MEOX2: variants seen among roughly 807,000 people sequenced by gnomAD.
MEOX2 encodes the protein mesenchyme homeobox 2.
In MEOX2, 11 loss-of-function variants were observed where a neutral mutation model predicts 27.0. That is an observed-to-expected ratio of 0.41 (90% CI 0.26 to 0.68). The LOEUF (loss-of-function observed/expected upper bound fraction) is 0.68, where lower values mean the gene tolerates loss of function less well. Ranked by LOEUF, MEOX2 falls within the 30% of genes least tolerant of loss-of-function variation. The probability of loss-of-function intolerance (pLI) is 0.33; values close to 1 mark genes in which losing one functional copy is unlikely to be tolerated. For synonymous variants in MEOX2, 189 were observed against 155.4 expected (o/e 1.22, Z -1.61); for missense variants, 436 against 385.4 (o/e 1.13, Z -1.10).
At chr7:15,646,190 C>A (rs1311222552) in intron 1 of MEOX2, among the ~76,000 whole-genome samples, 1 of 152,030 alleles carries the variant, frequency 6.6e-6, no homozygotes, top group African/African-American at 2.4e-5. Flanking sequence ...TTAGTTTACT[C>A]CCTGACTTCC....
At chr7:15,660,692 G>A (rs1781898226) in intron 1 of MEOX2, among the ~76,000 whole-genome samples, 1 of 152,086 alleles carries the variant, frequency 6.6e-6, no homozygotes, top group Admixed American at 6.6e-5. Flanking sequence ...AGTGCTCAAC[G>A]AACAATGGTT....
chr7:15,686,349 G>A lies in MEOX2; in HGVS notation c.54C>T (p.Gly18=). 2 of 1,596,576 alleles carry A rather than the reference G, an allele frequency of 1.3e-6. No individual in the cohort carries two copies. The highest frequency in any genetic ancestry group is 1.7e-6 in the Non-Finnish European group (2 of 1,171,008). Residue 18 remains glycine, a synonymous_variant, in exon 1 of 3, where the codon GGC becomes GGT. Coordinates refer to ENST00000262041, the MANE Select transcript of MEOX2 (RefSeq NM_005924.5). ...GAGAGGATTGGGAGAACGGGTGCAA[G>A]CCTTGCGCCGTGGCGTGAGGGCTGC... ...CLRSPHATAQ[G]LHPFSQSSLA... is the part of the protein sequence containing the mutation.
intron 2 of MEOX2, among the ~76,000 whole-genome samples, chr7:15,624,876 T>C (rs1387233166): frequency 6.6e-6 from 1 of 152,210 alleles, no homozygotes; most frequent in Non-Finnish European, 1.5e-5. Flanking sequence ...TATATATAAT[T>C]CTTGCATGTA....
chr7:15,654,881 C>T (rs1402966692), intron 1 of MEOX2, among the ~76,000 whole-genome samples: 1 of 151,610 alleles, frequency 6.6e-6, no homozygotes, highest in Non-Finnish European at 1.5e-5. Context: ...TTTGATATTA[C>T]AATAATACTA....
intron 1 of MEOX2, among the ~76,000 whole-genome samples, chr7:15,656,776 C>T (rs1781827783): frequency 2.0e-5 from 3 of 151,734 alleles, no homozygotes; most frequent in African/African-American, 7.3e-5. Context: ...ATAATTTTAC[C>T]CTTGCCATTG....
rs146116757 is a variant in MEOX2, at chr7:15,631,906, A to ATGTGTGTGTGTG, written c.518-5000_518-4989dup. 3.2e-3 allele frequency among the ~76,000 whole-genome samples: 408 copies of ATGTGTGTGTGTG among 129,420 alleles called. 1 individual carries two copies. Among genetic ancestry groups the ATGTGTGTGTGTG allele is most frequent in the Admixed American group, 5.3e-3 (69 of 13,070 alleles). 84.9% of individuals were successfully genotyped at this position (129,420 alleles called of 152,430 possible). ...AAAGAGCAAGTTAAGCCAAGGTTAA[A>ATGTGTGTGTGTG]TGTGTGTGTGTGTGTGTGTGTGTGT... On this transcript the variant is annotated intron_variant, in intron 1 of 2. Transcript: ENST00000262041.
intron 1 of MEOX2, among the ~76,000 whole-genome samples, chr7:15,640,777 G>A (rs971285499): frequency 6.6e-6 from 1 of 152,136 alleles, no homozygotes. Context: ...CATCTACTGA[G>A]ATTATCATAT....
At chr7:15,644,582 C>G (rs949733597) in intron 1 of MEOX2, among the ~76,000 whole-genome samples, 2 of 152,172 alleles carry the variant, frequency 1.3e-5, no homozygotes, top group Non-Finnish European at 2.9e-5. Flanking sequence ...TGAGATGTCA[C>G]TTTCTGCAGC....
chr7:15,685,677 G>A (rs1278824801), intron 1 of MEOX2, among the ~76,000 whole-genome samples: 1 of 152,212 alleles, frequency 6.6e-6, no homozygotes, highest in Admixed American at 6.5e-5. Flanking sequence ...TAGAGCTGCT[G>A]GCTGTATACG....
At chr7:15,617,939 T>C (rs1342044195) in intron 2 of MEOX2, among the ~76,000 whole-genome samples, 2 of 152,068 alleles carry the variant, frequency 1.3e-5, no homozygotes, top group South Asian at 2.1e-4. Flanking sequence ...CATGGACAAA[T>C]AACATATTGA....
chr7:15,622,666 AG>A (rs1781238861), intron 2 of MEOX2, among the ~76,000 whole-genome samples: 1 of 152,204 alleles, frequency 6.6e-6, no homozygotes, highest in Non-Finnish European at 1.5e-5. Context: ...AAGATTATAT[AG>A]GGTCAAGATA....
intron 1 of MEOX2, among the ~76,000 whole-genome samples, chr7:15,653,769 T>G (rs1353231196): frequency 2.0e-5 from 3 of 151,982 alleles, no homozygotes; most frequent in Non-Finnish European, 4.4e-5. Flanking sequence ...ATTTTTTCCA[T>G]TAATATATGT....
intron 1 of MEOX2, among the ~76,000 whole-genome samples, chr7:15,636,426 AC>A (rs1277866880): frequency 6.6e-6 from 1 of 152,060 alleles, no homozygotes; most frequent in Non-Finnish European, 1.5e-5. Flanking sequence ...AAAATACCAA[AC>A]AACATAGGGT....
intron 1 of MEOX2, among the ~76,000 whole-genome samples, chr7:15,672,881 G>A (rs1782126183): frequency 6.8e-6 from 1 of 148,092 alleles, no homozygotes; most frequent in South Asian, 2.1e-4. Flanking sequence ...AACAGAGCGA[G>A]ATTCTGTCTT....
intron 2 of MEOX2, among the ~76,000 whole-genome samples, chr7:15,618,750 A>C (rs12216556): frequency 0.67 from 101,996 of 151,420 alleles, 34,578 homozygotes; most frequent in East Asian, 0.81. Flanking sequence ...TCTATGTGAC[A>C]CTTTACTGCC....
chr7:15,640,659 G>C (rs1320202049), intron 1 of MEOX2, among the ~76,000 whole-genome samples: 1 of 152,048 alleles, frequency 6.6e-6, no homozygotes, highest in Non-Finnish European at 1.5e-5. Flanking sequence ...GTTAGTTGTG[G>C]GTTTGTCATA....
At chr7:15,678,224 AT>A (rs1278223006) in intron 1 of MEOX2, among the ~76,000 whole-genome samples, 1 of 152,158 alleles carries the variant, frequency 6.6e-6, no homozygotes, top group Non-Finnish European at 1.5e-5. Flanking sequence ...AGGTGAGAAA[AT>A]TTTAATTGTT....
At chr7:15,654,812 A>G (rs1781793268) in intron 1 of MEOX2, among the ~76,000 whole-genome samples, 2 of 151,650 alleles carry the variant, frequency 1.3e-5, no homozygotes, top group South Asian at 2.1e-4. Context: ...AGAATTTTAC[A>G]TCTATTTTAA....
chr7:15,642,418 CCA>C (rs1212391770), intron 1 of MEOX2, among the ~76,000 whole-genome samples: 1 of 152,082 alleles, frequency 6.6e-6, no homozygotes, highest in Non-Finnish European at 1.5e-5. Flanking sequence ...GCTAAGTTTG[CCA>C]CAGTGTTTTG....
Sources: allele counts gnomAD v4.1 joint callset (sites outside exome capture counted in the v4.1 genomes callset), GRCh38; gene constraint gnomAD v4.1.1; transcripts MANE v1.5; gene names NCBI Gene and HGNC (gene_info 2026-07-23, HGNC 2026-07-21).